The following CNTNAP5 variants were observed in gnomAD, a reference collection of about 807,000 sequenced individuals.
The protein encoded by CNTNAP5 is contactin-associated protein-like 5.
A neutral mutation model predicts 150.2 loss-of-function variants in CNTNAP5; 72 were observed. The observed-to-expected ratio is 0.48, with a 90% CI of 0.40 to 0.58. CNTNAP5 has a LOEUF of 0.58. Ranked by LOEUF, CNTNAP5 falls within the 20% of genes least tolerant of loss-of-function variation. The pLI, the probability that CNTNAP5 is intolerant of heterozygous loss-of-function variation, is 0.00. For synonymous variants in CNTNAP5, 672 were observed against 619.8 expected (o/e 1.08, Z -1.25); for missense variants, 1,636 against 1,626.2 (o/e 1.01, Z -0.10).
At chr2:124,054,274 G>C in intron 1 of CNTNAP5, among the ~76,000 whole-genome samples, 1 of 152,150 alleles carries the variant, frequency 6.6e-6, no homozygotes, top group African/African-American at 2.4e-5. Flanking sequence ...ATTTGGGTGA[G>C]GGGAGATATG....
At chr2:124,847,307 G>T (rs887933889) in intron 19 of CNTNAP5, among the ~76,000 whole-genome samples, 1 of 152,146 alleles carries the variant, frequency 6.6e-6, no homozygotes, top group African/African-American at 2.4e-5. Flanking sequence ...GAGGATGTGG[G>T]TGTGACTTCG....
intron 13 of CNTNAP5, among the ~76,000 whole-genome samples, chr2:124,672,399 G>A (rs982463054): frequency 2.6e-5 from 4 of 152,122 alleles, no homozygotes; most frequent in Non-Finnish European, 5.9e-5. Flanking sequence ...TATGCAGGAG[G>A]AAATTTTTGT....
intron 1 of CNTNAP5, among the ~76,000 whole-genome samples, chr2:124,169,030 T>C (rs879907737): frequency 1.3e-5 from 2 of 152,164 alleles, no homozygotes; most frequent in Admixed American, 6.5e-5. Context: ...TTAGAATCAG[T>C]AGGCTAGCTA....
At chr2:124,812,357 C>T (rs1050819282) in intron 19 of CNTNAP5, among the ~76,000 whole-genome samples, 1 of 150,616 alleles carries the variant, frequency 6.6e-6, no homozygotes, top group African/African-American at 2.4e-5. Context: ...TTTGAAGTCC[C>T]CCAACCCCCC....
intron 7 of CNTNAP5, among the ~76,000 whole-genome samples, chr2:124,502,138 T>C (rs948551555): frequency 1.3e-5 from 2 of 152,158 alleles, no homozygotes; most frequent in African/African-American, 4.8e-5. Flanking sequence ...CTTATCTTAA[T>C]AGTGACAATC....
chr2:124,056,893 T>C (rs749335934), intron 1 of CNTNAP5, among the ~76,000 whole-genome samples: 1 of 152,264 alleles, frequency 6.6e-6, no homozygotes, highest in Non-Finnish European at 1.5e-5. Flanking sequence ...TCCTCTGCTT[T>C]TCTGGTTACC....
At chr2:124,203,308 C>T (rs1371873302) in intron 1 of CNTNAP5, among the ~76,000 whole-genome samples, 1 of 152,184 alleles carries the variant, frequency 6.6e-6, no homozygotes, top group Non-Finnish European at 1.5e-5. Flanking sequence ...AGCTCCACCC[C>T]TTGTGACTTT....
intron 3 of CNTNAP5, among the ~76,000 whole-genome samples, chr2:124,338,525 C>A (rs1427189136): frequency 6.6e-6 from 1 of 151,916 alleles, no homozygotes; most frequent in Non-Finnish European, 1.5e-5. Context: ...CAGGAGCTGG[C>A]CTCAAAAAAT....
intron 6 of CNTNAP5, among the ~76,000 whole-genome samples, chr2:124,467,809 C>T (rs908919437): frequency 6.6e-5 from 10 of 152,106 alleles, no homozygotes; most frequent in South Asian, 2.1e-4. Flanking sequence ...CACATAAAAA[C>T]GGTTTTGCTT....
intron 13 of CNTNAP5, among the ~76,000 whole-genome samples, chr2:124,694,574 T>A (rs1679366135): frequency 6.6e-6 from 1 of 152,206 alleles, no homozygotes. Context: ...GGCACAGGTT[T>A]TTAGTGTCCC....
At chr2:124,321,887 C>T (rs1431041374) in intron 3 of CNTNAP5, among the ~76,000 whole-genome samples, 1 of 152,096 alleles carries the variant, frequency 6.6e-6, no homozygotes, top group Non-Finnish European at 1.5e-5. Flanking sequence ...AGGTGGCTCA[C>T]GCCTGTAATC....
At chr2:124,788,362 C>G (rs1681642819) in intron 17 of CNTNAP5, among the ~76,000 whole-genome samples, 1 of 152,144 alleles carries the variant, frequency 6.6e-6, no homozygotes, top group East Asian at 1.9e-4. Context: ...CAAGATATAT[C>G]CTCAGCAGAA....
At chr2:124,391,295 ATATAT>A (rs2104748584) in intron 3 of CNTNAP5, among the ~76,000 whole-genome samples, 1 of 152,320 alleles carries the variant, frequency 6.6e-6, no homozygotes, top group South Asian at 2.1e-4. Flanking sequence ...TTAGATTTTA[ATATAT>A]TAAAGTATTT....
chr2:124,242,137 G>A, intron 2 of CNTNAP5, 63 bp from the exon 3 acceptor site: 1 of 1,338,306 alleles, frequency 7.5e-7, no homozygotes. Flanking sequence ...TTTGATAGTT[G>A]AAAATTGTAG....
Position 124,606,922 on chromosome 2 carries a change from T to G in CNTNAP5, c.1757-2879T>G, listed in dbSNP as rs544131265. On this transcript the variant is annotated intron_variant, in intron 11 of 23. Coordinates refer to ENST00000682447, the MANE Select transcript of CNTNAP5 (RefSeq NM_001367498.1). ...GGATGAGGACACAGCGAAACCATAT[T>G]AAAAACTCATAAAAAAAGGAGAGGC... 6.6e-5 allele frequency among the ~76,000 whole-genome samples: 10 copies of G among 152,022 alleles called. 1 individual carries two copies. The highest frequency in any genetic ancestry group is 2.4e-4 in the African/African-American group (10 of 41,462).
intron 10 of CNTNAP5, among the ~76,000 whole-genome samples, chr2:124,542,653 C>T (rs1695414388): frequency 6.6e-6 from 1 of 152,148 alleles, no homozygotes; most frequent in Non-Finnish European, 1.5e-5. Context: ...TGACTGCTCA[C>T]ACTCTTCTTT....
chr2:124,524,470 T>C lies in CNTNAP5; in HGVS notation c.1477+18T>C. The C allele has an allele frequency of 6.3e-7, 1 of 1,593,904 alleles. No homozygotes were observed. Among genetic ancestry groups the C allele is most frequent in the Non-Finnish European group, 8.6e-7 (1 of 1,168,112 alleles). ...TTTTGGAGGTAAATTCTCCAGTCTT[T>C]AAGAGGGAAAATTAAGAAGGGAGGG... On this transcript the variant is annotated intron_variant, in intron 9 of 23. Transcript: ENST00000682447.
intron 1 of CNTNAP5, among the ~76,000 whole-genome samples, chr2:124,029,018 G>T (rs1008766817): frequency 6.6e-6 from 1 of 152,088 alleles, no homozygotes; most frequent in Non-Finnish European, 1.5e-5. Flanking sequence ...ATAAGTATAA[G>T]TTGTGCGATT....
intron 1 of CNTNAP5, among the ~76,000 whole-genome samples, chr2:124,041,689 T>C (rs1681376603): frequency 6.6e-6 from 1 of 152,138 alleles, no homozygotes; most frequent in Admixed American, 6.5e-5. Flanking sequence ...ATATAGTGAA[T>C]AGAGATCAGA....
Sources: allele counts gnomAD v4.1 joint callset (sites outside exome capture counted in the v4.1 genomes callset), GRCh38; gene constraint gnomAD v4.1.1; transcripts MANE v1.5; gene names NCBI Gene and HGNC (gene_info 2026-07-23, HGNC 2026-07-21).